The following UTRN variants were observed in gnomAD, a reference collection of about 807,000 sequenced individuals.
UTRN encodes the protein utrophin.
Under a neutral mutation model 463.9 loss-of-function variants are expected in UTRN, and 283 were observed. The observed-to-expected ratio is 0.61, with a 90% CI of 0.55 to 0.67. The LOEUF is 0.67. Ranked by LOEUF, UTRN falls within the 30% of genes least tolerant of loss-of-function variation. The probability of loss-of-function intolerance (pLI) is 0.00; values close to 1 mark genes in which losing one functional copy is unlikely to be tolerated. For synonymous variants in UTRN, 1,442 were observed against 1,431.5 expected, an observed-to-expected ratio of 1.01 and a Z score of -0.17; for missense variants, 3,922 against 4,084.3, an observed-to-expected ratio of 0.96 and a Z score of 1.08.
chr6:144,397,682 TC>T (rs1455463096), intron 2 of UTRN, among the ~76,000 whole-genome samples: 3 of 152,098 alleles, frequency 2.0e-5, no homozygotes, highest in Non-Finnish European at 2.9e-5. Flanking sequence ...CTAGGCTTAT[TC>T]TATCTAGAAT....
At chr6:144,385,164 G>T (rs891731257) in intron 2 of UTRN, among the ~76,000 whole-genome samples, 1 of 152,138 alleles carries the variant, frequency 6.6e-6, no homozygotes, top group Non-Finnish European at 1.5e-5. Flanking sequence ...CCATTGCAGT[G>T]CTGTAATGCA....
intron 2 of UTRN, chr6:144,333,418 C>T (rs1215998692): frequency 6.6e-6 from 1 of 152,152 alleles, no homozygotes; most frequent in African/African-American, 2.4e-5. Context: ...ATGTCACACA[C>T]AGTATAAGAC....
At chr6:144,603,384 T>C (rs1804475085) in intron 51 of UTRN, among the ~76,000 whole-genome samples, 2 of 152,212 alleles carry the variant, frequency 1.3e-5, no homozygotes, top group Non-Finnish European at 2.9e-5. Context: ...TCCTATAGCA[T>C]ATGAGAACAC....
At chr6:144,383,248 A>G (rs1041794617) in intron 2 of UTRN, among the ~76,000 whole-genome samples, 7 of 152,172 alleles carry the variant, frequency 4.6e-5, no homozygotes, top group Non-Finnish European at 1.0e-4. Flanking sequence ...AGCCTGTTTA[A>G]CATTCCTTTT....
At chr6:144,331,769 G>A (rs1776350553) in intron 2 of UTRN, among the ~76,000 whole-genome samples, 1 of 152,278 alleles carries the variant, frequency 6.6e-6, no homozygotes, top group Admixed American at 6.5e-5. Flanking sequence ...AGGTCAGGAA[G>A]GATAAACTCC....
At chr6:144,839,873 T>C (rs560454425) in intron 72 of UTRN, among the ~76,000 whole-genome samples, 2 of 152,302 alleles carry the variant, frequency 1.3e-5, no homozygotes, top group East Asian at 3.9e-4. Context: ...TCTAGAATTT[T>C]ACTGAGAACG....
chr6:144,653,951 A>G (rs866183333), intron 51 of UTRN, among the ~76,000 whole-genome samples: 6 of 152,322 alleles, frequency 3.9e-5, no homozygotes, highest in Middle Eastern at 6.8e-3. Flanking sequence ...AAGGTGCATA[A>G]TACATTGTCT....
intron 51 of UTRN, among the ~76,000 whole-genome samples, chr6:144,639,653 A>G (rs1312708416): frequency 6.6e-6 from 1 of 151,706 alleles, no homozygotes. Context: ...ACACCCGATC[A>G]ATCAAATACA....
At chr6:144,380,239 A>G (rs149557062) in intron 2 of UTRN, among the ~76,000 whole-genome samples, 73 of 152,310 alleles carry the variant, frequency 4.8e-4, no homozygotes, top group Non-Finnish European at 8.2e-4. Context: ...AAATGACATT[A>G]TTAAAGAATG....
At chr6:144,526,534 G>C (rs1796583993) in intron 41 of UTRN, among the ~76,000 whole-genome samples, 1 of 152,094 alleles carries the variant, frequency 6.6e-6, no homozygotes, top group African/African-American at 2.4e-5. Flanking sequence ...TGGATGGACT[G>C]TTATTTTGCA....
Position 144,668,999 on chromosome 6 carries a change from T to A in UTRN, c.7480-9407T>A, listed in dbSNP as rs147329831. Among the ~76,000 whole-genome samples, 342 of 152,344 alleles carry A rather than the reference T, an allele frequency of 2.2e-3. 2 individuals are homozygous for A. The highest frequency in any genetic ancestry group is 8.1e-3 in the African/African-American group (338 of 41,586). The stretch of plus-strand genomic sequence containing the variant: ...CATTACCAATGATAGCCATGGAGAC[T>A]CACACCACATCTTCATACCCAGCTC... On this transcript the variant is annotated intron_variant, in intron 51 of 74. Transcript: ENST00000367545.
chr6:144,336,711 CCTCT>C (rs1776744235), intron 2 of UTRN, among the ~76,000 whole-genome samples: 1 of 152,072 alleles, frequency 6.6e-6, no homozygotes, highest in African/African-American at 2.4e-5. Context: ...AAAATTACTC[CCTCT>C]TTCTTTTTTT....
At chr6:144,839,618 T>G (rs982847382) in intron 72 of UTRN, among the ~76,000 whole-genome samples, 1 of 152,234 alleles carries the variant, frequency 6.6e-6, no homozygotes, top group Non-Finnish European at 1.5e-5. Flanking sequence ...AATGTTACAT[T>G]GGTGCATATT....
At chr6:144,585,291 T>G (rs1157685134) in intron 51 of UTRN, among the ~76,000 whole-genome samples, 1 of 152,148 alleles carries the variant, frequency 6.6e-6, no homozygotes, top group Non-Finnish European at 1.5e-5. Flanking sequence ...TTATTTCATT[T>G]AGAGAATTAA....
chr6:144,730,785 A>C (rs923269213), intron 54 of UTRN, among the ~76,000 whole-genome samples: 1 of 151,706 alleles, frequency 6.6e-6, no homozygotes, highest in Non-Finnish European at 1.5e-5. Flanking sequence ...AAAAATTTAT[A>C]TTATATTTAA....
At chr6:144,690,234 G>A (rs1234617812) in intron 52 of UTRN, among the ~76,000 whole-genome samples, 1 of 150,850 alleles carries the variant, frequency 6.6e-6, no homozygotes, top group African/African-American at 2.4e-5. Context: ...GCCCTAGTGG[G>A]ATTGGAGGAC....
chr6:144,298,164 T>C (rs752707164), intron 2 of UTRN, among the ~76,000 whole-genome samples: 11 of 152,238 alleles, frequency 7.2e-5, no homozygotes, highest in Non-Finnish European at 1.2e-4. Context: ...TACTATGTTA[T>C]ATTTTTATCT....
At position 144,836,004 on chromosome 6, in the gene UTRN, C is replaced by T. The variant is rs535369195; in HGVS notation, c.9824+66C>T. ...TTTGTATGAATTTCACTGTAGCCCC[C>T]ATTTATTCTCTTTTTCAAGACTATT... is the stretch of plus-strand genomic sequence containing the variant. On this transcript the variant is annotated intron_variant, in intron 70 of 74. Coordinates refer to ENST00000367545, the MANE Select transcript of UTRN (RefSeq NM_007124.3). The T allele has an allele frequency of 1.9e-6, 3 of 1,565,624 alleles. No individual in the cohort carries two copies. In the East Asian group the frequency reaches 6.8e-5, roughly 35 times the overall value.
chr6:144,482,255 T>C lies in UTRN; in HGVS notation c.3554T>C (p.Leu1185Pro). ...VLQKEVRVKILKDNIKLLAAK... is the reference protein window; with the variant it reads ...VLQKEVRVKIPKDNIKLLAAK... ...CAGAAGGAGGTGAGAGTGAAGATTCTCAAGGACAACATCAAGTTATTAGCT... is the reference window on the plus strand; with the variant it reads ...CAGAAGGAGGTGAGAGTGAAGATTCCCAAGGACAACATCAAGTTATTAGCT... The change falls in exon 27 of 75, where the codon CTC becomes CCC. Residue 1185 changes from leucine (L) to proline (P), a missense_variant. By Grantham distance (98) the Leu-to-Pro change is moderately conservative. This residue lies in a region of UTRN where 2,349 missense variants were observed against 2,303.8 expected (regional missense o/e 1.02). Coordinates refer to ENST00000367545, the MANE Select transcript of UTRN (RefSeq NM_007124.3). The C allele has an allele frequency of 1.2e-6, 2 of 1,603,278 alleles. No individual in the cohort carries two copies. The highest frequency in any genetic ancestry group is 1.7e-6 in the Non-Finnish European group (2 of 1,176,130).
Sources: allele counts gnomAD v4.1 joint callset (sites outside exome capture counted in the v4.1 genomes callset), GRCh38; gene constraint gnomAD v4.1.1; regional missense constraint gnomAD v4.1.1; transcripts MANE v1.5; gene names NCBI Gene and HGNC (gene_info 2026-07-23, HGNC 2026-07-21).